Variants in EFEMP1 observed in about 807,000 individuals in gnomAD.
EFEMP1 encodes the protein EGF-containing fibulin-like extracellular matrix protein 1.
A neutral mutation model predicts 65.7 loss-of-function variants in EFEMP1; 18 were observed. The ratio of observed to expected loss-of-function variants is 0.27; its 90% CI spans 0.19 to 0.41. The LOEUF is 0.41. Ranked by LOEUF, EFEMP1 falls within the 10% of genes least tolerant of loss-of-function variation. EFEMP1 has a pLI of 1.00. For missense variants in EFEMP1, 469 were observed against 624.8 expected, an observed-to-expected ratio of 0.75 and a Z score of 2.66; for synonymous variants, 237 against 219.7, an observed-to-expected ratio of 1.08 and a Z score of -0.70.
In EFEMP1 at chr2:55,922,737, T is replaced by C; in HGVS notation, c.-8+162A>G. The C allele has an allele frequency of 1.0e-5, 5 of 490,566 alleles. 1 individual carries two copies. The South Asian group carries it at 1.1e-4, about 10-fold the overall frequency. The allele number at this position is 490,566 out of a possible 1,614,324, so 30.4% of individuals were successfully genotyped here. Reference sequence around the variant, plus strand: ...TTCAGCGTGCATTTTATACTGCACCTACAAAGCAGGCTGCAGAAAGAGGGG... The same window carrying C: ...TTCAGCGTGCATTTTATACTGCACCCACAAAGCAGGCTGCAGAAAGAGGGG... On this transcript the variant is annotated intron_variant, in intron 2 of 11. Transcript: ENST00000355426. This position sits in a 1 kb window ranked among gnomAD's most constrained non-coding sequence, Gnocchi z 5.5.
At chr2:55,882,127 T>A (rs937902717) in intron 5 of EFEMP1, among the ~76,000 whole-genome samples, 1 of 152,332 alleles carries the variant, frequency 6.6e-6, no homozygotes, top group Non-Finnish European at 1.5e-5. Flanking sequence ...TTAGAACATA[T>A]GGTATTGTTT....
chr2:55,922,142 T>C lies in EFEMP1; in HGVS notation c.81+218A>G, dbSNP rs1176807936. The C allele has an allele frequency of 1.9e-6, 1 of 524,106 alleles. No homozygotes were observed. 32.5% of individuals were successfully genotyped at this position (524,106 alleles called of 1,614,324 possible). On this transcript the variant is annotated intron_variant, in intron 3 of 11. Transcript: ENST00000355426. This position sits in a 1 kb window ranked among gnomAD's most constrained non-coding sequence, Gnocchi z 5.5. Reference sequence around the variant, plus strand: ...TTTTAGCCCTGCACAAATGATTACATGTTGGTTCCTATCTTAGGTGGTGAG... The same window carrying C: ...TTTTAGCCCTGCACAAATGATTACACGTTGGTTCCTATCTTAGGTGGTGAG...
chr2:55,922,422 G>C lies in EFEMP1; in HGVS notation c.19C>G (p.Leu7Val), dbSNP rs766388738. Residue 7 changes from leucine to valine, a missense_variant, in exon 3 of 12, where the codon CTA becomes GTA. By Grantham distance (32) the Leu-to-Val change is conservative (BLOSUM62 1). Around this residue, in one of 3 missense-constraint regions of EFEMP1, gnomAD observed 66 missense variants for 73.0 expected, o/e 0.90. Transcript: ENST00000355426. This position sits in a 1 kb window ranked among gnomAD's most constrained non-coding sequence, Gnocchi z 5.5. Reference protein sequence around the residue: MLKALFLTMLTLALVKS... With the variant: MLKALFVTMLTLALVKS... ...ACCAGCGCCAGAGTCAGCATAGTTA[G>C]GAAAAGGGCTTTCAACATTGTGAAT... is the stretch of plus-strand genomic sequence containing the variant. 1.9e-6 allele frequency: 3 copies of C among 1,613,784 alleles called. No individual in the cohort carries two copies. In the East Asian group the frequency reaches 6.7e-5, roughly 36 times the overall value.
intron 5 of EFEMP1, among the ~76,000 whole-genome samples, chr2:55,889,389 G>T (rs1163542014): frequency 6.6e-6 from 1 of 152,154 alleles, no homozygotes; most frequent in African/African-American, 2.4e-5. Context: ...GAATACCTTT[G>T]TGCCTCTTGC....
At chr2:55,899,036 C>G (rs1297598824) in intron 5 of EFEMP1, among the ~76,000 whole-genome samples, 1 of 152,192 alleles carries the variant, frequency 6.6e-6, no homozygotes, top group Admixed American at 6.5e-5. Context: ...AGGGTGTCCA[C>G]CCACCAAAGC....
intron 5 of EFEMP1, among the ~76,000 whole-genome samples, chr2:55,896,312 G>A (rs1265902470): frequency 1.3e-5 from 2 of 152,196 alleles, no homozygotes; most frequent in African/African-American, 4.8e-5. Flanking sequence ...TTCTGCAAAG[G>A]CTGAATTACA....
chr2:55,892,613 T>C (rs193096765), intron 5 of EFEMP1, among the ~76,000 whole-genome samples: 2 of 152,242 alleles, frequency 1.3e-5, no homozygotes, highest in East Asian at 3.9e-4. Context: ...TGTGTTCCTA[T>C]AAAGTTACAT....
At chr2:55,915,030 C>A (rs970561870) in intron 5 of EFEMP1, among the ~76,000 whole-genome samples, 1 of 152,202 alleles carries the variant, frequency 6.6e-6, no homozygotes, top group African/African-American at 2.4e-5. Flanking sequence ...TGTGACTCGA[C>A]TTATGTTAGT....
rs1669048097 is a variant in EFEMP1 at position 55,876,698 on chromosome 2, A to G, written c.805T>C (p.Tyr269His). The change falls in exon 8 of 12, where the codon TAC becomes CAC. Residue 269 changes from tyrosine to histidine, a missense_variant. Transcript: ENST00000355426. The part of the protein sequence containing the change: ...DASNQCAQQC[Y>H]NILGSFICQC... Reference sequence around the variant, plus strand: ...CAGATGAATGAACCAAGAATGTTGTAGCACTGCTGAGCACATTGATTGCTG... The same window carrying G: ...CAGATGAATGAACCAAGAATGTTGTGGCACTGCTGAGCACATTGATTGCTG... 2 of 1,611,386 alleles carry G rather than the reference A, an allele frequency of 1.2e-6. No homozygotes were observed. Among genetic ancestry groups the G allele is most frequent in the Admixed American group, 1.7e-5 (1 of 59,870 alleles).
At chr2:55,889,517 C>T (rs1272643710) in intron 5 of EFEMP1, among the ~76,000 whole-genome samples, 1 of 152,024 alleles carries the variant, frequency 6.6e-6, no homozygotes, top group African/African-American at 2.4e-5. Context: ...GCACTAAATT[C>T]TTTTTTCTGT....
At chr2:55,876,589 G>A (rs1224619331) in intron 8 of EFEMP1, 34 bp downstream of exon 8, 1 of 1,608,302 alleles carries the variant, frequency 6.2e-7, no homozygotes, top group Non-Finnish European at 8.5e-7. Context: ...ACAGGAATTG[G>A]ACTTTATTCC....
chr2:55,922,379 T>C lies in EFEMP1; in HGVS notation c.62A>G (p.Glu21Gly), dbSNP rs1670933815. 4 of 1,613,876 alleles carry C rather than the reference T, an allele frequency of 2.5e-6. No homozygotes were observed. Among genetic ancestry groups the C allele is most frequent in the South Asian group, 2.2e-5 (2 of 91,076 alleles). Reference protein sequence around the residue: ...TLALVKSQDTEETITYTQCTD... With the variant: ...TLALVKSQDTGETITYTQCTD... ...CCTTACCGTGTACGTGATGGTTTCT[T>C]CGGTGTCCTGTGACTTGACCAGCGC... The change falls in exon 3 of 12, where the codon GAA becomes GGA. Residue 21 changes from glutamate (E) to glycine (G), a missense_variant. Transcript: ENST00000355426. The surrounding 1 kb of genome is among the most constrained non-coding windows in gnomAD (Gnocchi z 5.5).
chr2:55,904,246 A>G (rs1670154909), intron 5 of EFEMP1, among the ~76,000 whole-genome samples: 1 of 152,184 alleles, frequency 6.6e-6, no homozygotes. Context: ...AAGTACCATC[A>G]ATAGCTTGAG....
intron 5 of EFEMP1, among the ~76,000 whole-genome samples, chr2:55,908,090 T>TC (rs1473107677): frequency 6.6e-6 from 1 of 152,096 alleles, no homozygotes; most frequent in Non-Finnish European, 1.5e-5. Flanking sequence ...CTTATCTAGC[T>TC]CCCCCGAGCT....
chr2:55,890,393 C>T (rs1669587824), intron 5 of EFEMP1, among the ~76,000 whole-genome samples: 1 of 152,002 alleles, frequency 6.6e-6, no homozygotes. Flanking sequence ...TTTTAACACA[C>T]TTCTCCTGGT....
At chr2:55,915,625 T>C (rs1404459092) in intron 5 of EFEMP1, among the ~76,000 whole-genome samples, 1 of 152,174 alleles carries the variant, frequency 6.6e-6, no homozygotes, top group Admixed American at 6.5e-5. Flanking sequence ...TTCATTTATC[T>C]GGTTTTTTTT....
intron 11 of EFEMP1, among the ~76,000 whole-genome samples, chr2:55,869,176 A>G (rs1668705670): frequency 6.6e-6 from 1 of 152,258 alleles, no homozygotes; most frequent in Non-Finnish European, 1.5e-5. Context: ...TGCCATGTTT[A>G]ATTGCAAAGA....
intron 11 of EFEMP1, among the ~76,000 whole-genome samples, chr2:55,869,214 CTT>C (rs1458010853): frequency 1.3e-5 from 2 of 152,146 alleles, no homozygotes; most frequent in Middle Eastern, 3.4e-3. Flanking sequence ...TTGTTTCACT[CTT>C]TGATTATTCT....
intron 5 of EFEMP1, among the ~76,000 whole-genome samples, chr2:55,900,319 C>T (rs752406431): frequency 1.3e-4 from 19 of 150,376 alleles, no homozygotes; most frequent in African/African-American, 4.6e-4. Flanking sequence ...CACGATCCCC[C>T]CCACCAACTC....
Sources: gnomAD v4.1 joint callset for allele counts (sites outside exome capture counted in the v4.1 genomes callset) on GRCh38, gnomAD v4.1.1 for gene constraint, gnomAD v4.1.1 regional missense constraint, Gnocchi (gnomAD v3.1) non-coding constraint, MANE v1.5 for transcripts, NCBI Gene and HGNC (gene_info 2026-07-23, HGNC 2026-07-21) for gene names.